RP1: variants seen among roughly 807,000 people sequenced by gnomAD.
The protein encoded by RP1 is oxygen-regulated protein 1.
A neutral mutation model predicts 14.8 loss-of-function variants in RP1; 16 were observed. That is an observed-to-expected ratio of 1.08 (90% CI 0.73 to 1.65). The LOEUF is 1.65. Among genes scored for constraint, RP1 ranks in the 40% most tolerant of loss-of-function variants. The probability of loss-of-function intolerance (pLI) is 0.00; values close to 1 mark genes in which losing one functional copy is unlikely to be tolerated. For synonymous variants in RP1, 876 were observed against 883.6 expected (o/e 0.99, Z 0.15); for missense variants, 2,631 against 2,535.0 (o/e 1.04, Z -0.81).
rs537508212 is a variant in RP1, at chr8:54,560,882, G to C, written c.-13+1562G>C. 3.3e-5 allele frequency: 5 copies of C among 152,078 alleles called. No homozygotes were observed. The East Asian group carries it at 9.8e-4, about 30-fold the overall frequency. The allele number at this position is 152,078 out of a possible 1,614,324, so 9.4% of individuals were successfully genotyped here. A position where few individuals can be genotyped will look rare whatever the true frequency, so the allele number is the denominator to read the frequency against. On this transcript the variant is annotated intron_variant, in intron 1 of 22. Coordinates refer to the RP1 transcript ENST00000636932. ...ATCTCTATGTCAATAGCATCCAATG[G>C]CTTTAGGTGGGGCCTGGACTGGAGC... is the stretch of plus-strand genomic sequence containing the variant.
chr8:54,714,843 C>G (rs1808364774), intron 15 of RP1, among the ~76,000 whole-genome samples: 1 of 152,176 alleles, frequency 6.6e-6, no homozygotes, highest in South Asian at 2.1e-4. Flanking sequence ...ATCTTTACAG[C>G]ATGAAAGAGA....
intron 12 of RP1, among the ~76,000 whole-genome samples, chr8:54,687,556 C>T (rs551358967): frequency 5.5e-4 from 84 of 152,114 alleles, no homozygotes; most frequent in East Asian, 4.8e-3. Context: ...TGAAAACATG[C>T]GGTGTTTGGT....
intron 12 of RP1, among the ~76,000 whole-genome samples, chr8:54,687,148 G>T (rs2129337956): frequency 6.6e-6 from 1 of 152,134 alleles, no homozygotes; most frequent in Non-Finnish European, 1.5e-5. Flanking sequence ...AATCAGGAAA[G>T]TAAAAGTCTA....
At chr8:54,764,276 G>T (rs1809711876) in intron 22 of RP1, among the ~76,000 whole-genome samples, 1 of 152,228 alleles carries the variant, frequency 6.6e-6, no homozygotes, top group Non-Finnish European at 1.5e-5. Context: ...CTACAGCTCA[G>T]CCAGGGCCTG....
At chr8:54,821,371 A>T (rs1391386003) in intron 24 of RP1, among the ~76,000 whole-genome samples, 3 of 152,214 alleles carry the variant, frequency 2.0e-5, no homozygotes, top group Non-Finnish European at 4.4e-5. Flanking sequence ...GGACATCCAA[A>T]AAAAACAGAT....
At chr8:54,843,823 C>T (rs1329524480) in intron 25 of RP1, among the ~76,000 whole-genome samples, 1 of 152,092 alleles carries the variant, frequency 6.6e-6, no homozygotes. Flanking sequence ...GAAGCAGGCC[C>T]GCTGTTGGGA....
intron 25 of RP1, among the ~76,000 whole-genome samples, chr8:54,840,956 C>T (rs897840148): frequency 1.3e-5 from 2 of 152,130 alleles, no homozygotes; most frequent in Admixed American, 6.5e-5. Flanking sequence ...GCCCCTTTCC[C>T]AGATTAAATA....
rs565332141 is a variant in RP1, at chr8:54,584,072, A to C, written c.-13+24752A>C. Among the ~76,000 whole-genome samples, 7 of 151,956 alleles carry C rather than the reference A, an allele frequency of 4.6e-5. No individual in the cohort carries two copies. The South Asian group carries it at 1.5e-3, about 32-fold the overall frequency. On this transcript the variant is annotated intron_variant, in intron 1 of 22. Coordinates refer to the RP1 transcript ENST00000636932. ...TGAATGTGTTTGCTCTTGCTTCTCT[A>C]GTTCTTTTAATTGTGATGTTAGGGT...
At chr8:54,853,814 G>A (rs531588531) in intron 26 of RP1, among the ~76,000 whole-genome samples, 4 of 136,080 alleles carry the variant, frequency 2.9e-5, no homozygotes, top group South Asian at 2.3e-4. Context: ...GAAAGAGAAA[G>A]GAAGGAAGAG....
intron 26 of RP1, among the ~76,000 whole-genome samples, chr8:54,855,246 C>T (rs532798045): frequency 1.3e-5 from 2 of 152,246 alleles, no homozygotes; most frequent in Admixed American, 6.5e-5. Flanking sequence ...TTATTTCCTT[C>T]GCGAGACTGA....
At chr8:54,664,480 A>G (rs976735211) in intron 7 of RP1, among the ~76,000 whole-genome samples, 1 of 152,162 alleles carries the variant, frequency 6.6e-6, no homozygotes, top group African/African-American at 2.4e-5. Context: ...GCTGTTTTGC[A>G]TAGCAGTTGT....
chr8:54,839,663 G>A (rs1369582749), intron 25 of RP1, among the ~76,000 whole-genome samples: 2 of 152,024 alleles, frequency 1.3e-5, no homozygotes, highest in Non-Finnish European at 2.9e-5. Context: ...GAGGAACTGG[G>A]CTTCTCTCCA....
exon 1 of RP1, chr8:54,559,277 T>G (rs1413098865): frequency 6.6e-6 from 1 of 152,216 alleles, no homozygotes; most frequent in Non-Finnish European, 1.5e-5. Flanking sequence ...TAAGATATTC[T>G]AGAAGCAACT....
At chr8:54,812,785 CTATCTATCTATCTATCTATCTA>C (rs1811037835) in intron 24 of RP1, among the ~76,000 whole-genome samples, 1 of 150,578 alleles carries the variant, frequency 6.6e-6, no homozygotes, top group Non-Finnish European at 1.5e-5. Flanking sequence ...ATCTATCTAT[CTATCTATCTATCTATCTATCTA>C]TCTCTCCGTC....
chr8:54,563,839 A>G (rs1804342480), intron 1 of RP1, among the ~76,000 whole-genome samples: 1 of 152,148 alleles, frequency 6.6e-6, no homozygotes, highest in African/African-American at 2.4e-5. Flanking sequence ...ATGAGCCACC[A>G]CGCCCGGCCT....
chr8:54,574,724 A>AAG (rs397822505), intron 1 of RP1, among the ~76,000 whole-genome samples: 1 of 151,358 alleles, frequency 6.6e-6, no homozygotes, highest in Non-Finnish European at 1.5e-5. Flanking sequence ...ATTAAAAAAA[A>AAG]CCACTCCAGA....
chr8:54,783,360 A>G (rs932594084), intron 23 of RP1, among the ~76,000 whole-genome samples: 1 of 152,240 alleles, frequency 6.6e-6, no homozygotes, highest in Non-Finnish European at 1.5e-5. Flanking sequence ...GTTAAGCTAC[A>G]ATATTTCCAA....
intron 22 of RP1, chr8:54,769,638 A>G (rs929767616): frequency 1.2e-6 from 1 of 830,332 alleles, no homozygotes; most frequent in African/African-American, 1.7e-5. Context: ...AGTGTGCAAA[A>G]TTAATGCAGA....
intron 24 of RP1, among the ~76,000 whole-genome samples, chr8:54,797,873 CTTTTTTTT>C (rs71254593): frequency 1.6e-4 from 18 of 112,252 alleles, no homozygotes; most frequent in East Asian, 2.5e-4. Context: ...GTTTCCCAAC[CTTTTTTTT>C]TTTTTTTTTT....
Sources: gnomAD v4.1 joint callset for allele counts (sites outside exome capture counted in the v4.1 genomes callset) on GRCh38, gnomAD v4.1.1 for gene constraint, MANE v1.5 for transcripts, NCBI Gene and HGNC (gene_info 2026-07-23, HGNC 2026-07-21) for gene names.